SAMTOR: variants seen among roughly 807,000 people sequenced by gnomAD.
SAMTOR encodes S-adenosylmethionine sensor upstream of mTORC1.
the SAMTOR span, among the ~76,000 whole-genome samples, chr7:112,936,423 G>A: frequency 6.6e-6 from 1 of 152,046 alleles, no homozygotes; most frequent in South Asian, 2.1e-4. Context: ...CCATAAACTG[G>A]GGAAGGAAAA....
the SAMTOR span, among the ~76,000 whole-genome samples, chr7:112,837,990 TGCTCAGGAAC>T: frequency 2.0e-5 from 3 of 152,136 alleles, no homozygotes; most frequent in African/African-American, 7.2e-5. Flanking sequence ...AGCATTCTTG[TGCTCAGGAAC>T]ACTAGACTTC....
At chr7:112,939,706 C>T in the SAMTOR span, 6 of 1,610,432 alleles carry the variant, frequency 3.7e-6, no homozygotes, top group African/African-American at 6.7e-5. Context: ...GGGACCCGGC[C>T]CTCTGCGCAC....
the SAMTOR span, among the ~76,000 whole-genome samples, chr7:112,896,931 G>A: frequency 6.6e-6 from 1 of 152,148 alleles, no homozygotes; most frequent in African/African-American, 2.4e-5. Flanking sequence ...AAAGCAGAAT[G>A]AGTCTTCAGA....
chr7:112,913,208 T>A, the SAMTOR span, among the ~76,000 whole-genome samples: 2 of 152,212 alleles, frequency 1.3e-5, no homozygotes, highest in African/African-American at 4.8e-5. Context: ...TTTGGCACCT[T>A]TCTTTAGTTC....
the SAMTOR span, among the ~76,000 whole-genome samples, chr7:112,931,609 T>C: frequency 6.6e-6 from 1 of 152,306 alleles, no homozygotes; most frequent in East Asian, 1.9e-4. Flanking sequence ...AACAAAAGGA[T>C]TTATGAACAG....
chr7:112,939,638 C>A, the SAMTOR span: 1 of 1,613,930 alleles, frequency 6.2e-7, no homozygotes, highest in South Asian at 1.1e-5. Context: ...CTTCACCACA[C>A]CGGAGAGCTT....
At chr7:112,859,535 G>A in the SAMTOR span, among the ~76,000 whole-genome samples, 1 of 152,140 alleles carries the variant, frequency 6.6e-6, no homozygotes, top group East Asian at 1.9e-4. Flanking sequence ...CCCTCAGGAG[G>A]TATTCCATAA....
At chr7:112,825,166 C>T in the SAMTOR span, among the ~76,000 whole-genome samples, 1 of 152,046 alleles carries the variant, frequency 6.6e-6, no homozygotes, top group Non-Finnish European at 1.5e-5. Context: ...GGACCACAGG[C>T]GAGTGCCACC....
the SAMTOR span, among the ~76,000 whole-genome samples, chr7:112,898,708 G>A: frequency 6.6e-6 from 1 of 152,210 alleles, no homozygotes; most frequent in Non-Finnish European, 1.5e-5. Flanking sequence ...GAGTGTCTGT[G>A]TCACTTCTTC....
At chr7:112,918,449 A>G in the SAMTOR span, among the ~76,000 whole-genome samples, 9 of 152,220 alleles carry the variant, frequency 5.9e-5, no homozygotes, top group Admixed American at 4.6e-4. Flanking sequence ...TGAAGGAAGC[A>G]CTAAACATGG....
At chr7:112,878,069 G>C in the SAMTOR span, among the ~76,000 whole-genome samples, 3,031 of 152,232 alleles carry the variant, frequency 0.02, 32 homozygotes, top group Non-Finnish European at 0.025. Context: ...CTGGATAACT[G>C]TCATACCATC....
chr7:112,824,371 G>GT, the SAMTOR span, among the ~76,000 whole-genome samples: 1 of 150,756 alleles, frequency 6.6e-6, no homozygotes, highest in African/African-American at 2.4e-5. Context: ...TTGTTTTTTT[G>GT]TTTTTTTGAG....
At chr7:112,907,360 A>G in the SAMTOR span, among the ~76,000 whole-genome samples, 1 of 152,200 alleles carries the variant, frequency 6.6e-6, no homozygotes, top group South Asian at 2.1e-4. Context: ...TTAATGTAAT[A>G]AATGAGAAAT....
chr7:112,860,616 A>G, the SAMTOR span, among the ~76,000 whole-genome samples: 1 of 152,200 alleles, frequency 6.6e-6, no homozygotes, highest in African/African-American at 2.4e-5. Flanking sequence ...AAAAGTCAAC[A>G]GATTTGCCAG....
the SAMTOR span, among the ~76,000 whole-genome samples, chr7:112,885,282 T>C: frequency 1.3e-5 from 2 of 152,300 alleles, no homozygotes; most frequent in East Asian, 1.9e-4. Flanking sequence ...TTTTCCCCAC[T>C]GTCTTGGTGA....
chr7:112,925,293 T>A, the SAMTOR span, among the ~76,000 whole-genome samples: 1 of 152,338 alleles, frequency 6.6e-6, no homozygotes, highest in East Asian at 1.9e-4. Context: ...TAAAGGTGAA[T>A]CATCAAGTCT....
chr7:112,895,394 C>G, the SAMTOR span, among the ~76,000 whole-genome samples: 4 of 152,084 alleles, frequency 2.6e-5, no homozygotes, highest in African/African-American at 9.7e-5. Flanking sequence ...TTCCAGATAG[C>G]TCTTACAATT....
the SAMTOR span, among the ~76,000 whole-genome samples, chr7:112,884,738 A>G: frequency 4.6e-5 from 7 of 152,202 alleles, no homozygotes; most frequent in Middle Eastern, 0.02. Flanking sequence ...TGGCTTTTCC[A>G]GGTGCACAAT....
the SAMTOR span, among the ~76,000 whole-genome samples, chr7:112,936,012 GTTTT>G: frequency 6.6e-6 from 1 of 152,084 alleles, no homozygotes; most frequent in Admixed American, 6.6e-5. Flanking sequence ...AGCGAAACTA[GTTTT>G]TTTAATTAAA....
Sources: allele counts gnomAD v4.1 joint callset (sites outside exome capture counted in the v4.1 genomes callset), GRCh38; gene constraint gnomAD v4.1.1; transcripts MANE v1.5; gene names NCBI Gene and HGNC (gene_info 2026-07-23, HGNC 2026-07-21).